ANK3: variants seen among roughly 807,000 people sequenced by gnomAD.
The protein encoded by ANK3 is ankyrin-3.
In ANK3, 57 loss-of-function variants were observed where a neutral mutation model predicts 370.9. The observed-to-expected ratio is 0.15, with a 90% CI of 0.12 to 0.19. ANK3 has a LOEUF of 0.19. ANK3 is among the 10% of genes least tolerant of loss of function. The pLI is 1.00. For missense variants in ANK3, 4,439 were observed against 5,302.1 expected (o/e 0.84, Z 5.06); for synonymous variants, 1,929 against 1,946.3 (o/e 0.99, Z 0.23).
chr10:60,212,017 T>C (rs1324754943), intron 9 of ANK3, among the ~76,000 whole-genome samples: 1 of 146,994 alleles, frequency 6.8e-6, no homozygotes, highest in Non-Finnish European at 1.5e-5. Flanking sequence ...CAGAAAAAAA[T>C]GTACCCATTA....
At chr10:60,298,197 G>A (rs2042948004) in intron 1 of ANK3, among the ~76,000 whole-genome samples, 1 of 152,030 alleles carries the variant, frequency 6.6e-6, no homozygotes, top group Non-Finnish European at 1.5e-5. Flanking sequence ...TTTTTTTCAT[G>A]AGCATTATTG....
chr10:60,651,583 A>G (rs545661296), intron 1 of ANK3, among the ~76,000 whole-genome samples: 1 of 152,350 alleles, frequency 6.6e-6, no homozygotes, highest in Non-Finnish European at 1.5e-5. Context: ...TGCAGCACAG[A>G]TTAGCAATTT....
In ANK3 at chr10:60,605,200, C is replaced by A. The variant is rs572404211; in HGVS notation, c.96+9986G>T. 2.2e-4 allele frequency among the ~76,000 whole-genome samples: 34 copies of A among 152,234 alleles called. 1 individual carries two copies. The highest frequency in any genetic ancestry group is 2.1e-3 in the Admixed American group (32 of 15,272). On this transcript the variant is annotated intron_variant, in intron 2 of 43. Coordinates refer to the ANK3 transcript ENST00000373827. ...CATCAGCACAACTGATAGCCACAGA[C>A]CAGCTTTCAGTCTCTCTCCTTTTAG...
intron 2 of ANK3, among the ~76,000 whole-genome samples, chr10:60,433,623 G>GA (rs1259493612): frequency 4.6e-5 from 7 of 152,184 alleles, no homozygotes; most frequent in Admixed American, 1.3e-4. Context: ...GAAAGAAAAA[G>GA]AAAAAACAAA....
At chr10:60,716,737 A>AACTCCTGCGCTCAAGTGAT (rs2079796140) in intron 1 of ANK3, among the ~76,000 whole-genome samples, 1 of 152,132 alleles carries the variant, frequency 6.6e-6, no homozygotes. Flanking sequence ...GCTGGTCTCA[A>AACTCCTGCGCTCAAGTGAT]ACTCCTGCGC....
intron 2 of ANK3, among the ~76,000 whole-genome samples, chr10:60,423,849 T>C (rs1042397430): frequency 1.3e-5 from 2 of 152,090 alleles, no homozygotes; most frequent in African/African-American, 4.8e-5. Context: ...TTATGTATTC[T>C]AGAGTGCCAC....
intron 23 of ANK3, among the ~76,000 whole-genome samples, chr10:60,157,124 G>C (rs866426522): frequency 2.1e-5 from 3 of 143,956 alleles, no homozygotes; most frequent in Non-Finnish European, 4.5e-5. Flanking sequence ...TGCAACCTCC[G>C]CCTCCCAGGT....
chr10:60,700,739 A>T (rs980864933), intron 1 of ANK3, among the ~76,000 whole-genome samples: 14 of 152,182 alleles, frequency 9.2e-5, no homozygotes, highest in Non-Finnish European at 1.9e-4. Flanking sequence ...AATTGAATAG[A>T]AAGAATATGA....
At chr10:60,636,859 A>G (rs551401425) in intron 1 of ANK3, among the ~76,000 whole-genome samples, 169 of 152,376 alleles carry the variant, frequency 1.1e-3, no homozygotes, top group African/African-American at 3.8e-3. Flanking sequence ...GAAGTAAGAA[A>G]AACAAAGCCA....
intron 25 of ANK3, among the ~76,000 whole-genome samples, chr10:60,132,875 C>T (rs1181964272): frequency 6.6e-6 from 1 of 152,148 alleles, no homozygotes. Context: ...CTTGGCCTTC[C>T]AAAGTGCTGG....
At chr10:60,731,415 C>G (rs73274822) in intron 1 of ANK3, among the ~76,000 whole-genome samples, 1 of 152,150 alleles carries the variant, frequency 6.6e-6, no homozygotes. Flanking sequence ...TAACACATCA[C>G]TGTGAGATTA....
intron 8 of ANK3, among the ~76,000 whole-genome samples, chr10:60,233,166 T>C (rs1028439404): frequency 6.6e-6 from 1 of 152,226 alleles, no homozygotes; most frequent in Non-Finnish European, 1.5e-5. Context: ...ATTTCTGCCC[T>C]ACTTTATGCC....
Position 60,708,920 on chromosome 10 carries a change from CGAAG to C in ANK3, c.57+24339_57+24342del, listed in dbSNP as rs558306726. Among the ~76,000 whole-genome samples the C allele has an allele frequency of 2.3e-3, 348 of 152,206 alleles. 2 individuals are homozygous for C. Among genetic ancestry groups the C allele is most frequent in the African/African-American group, 7.2e-3 (300 of 41,552 alleles). On this transcript the variant is annotated intron_variant, in intron 1 of 43. Coordinates refer to the ANK3 transcript ENST00000373827. ...CTCAAAGCAACAGGAGAGACAAAAA[CGAAG>C]ATACTATAGGATATTTCAGCCACCA...
chr10:60,292,453 G>T (rs909305373), intron 1 of ANK3, among the ~76,000 whole-genome samples: 2 of 151,132 alleles, frequency 1.3e-5, no homozygotes, highest in Admixed American at 6.6e-5. Flanking sequence ...CTTAATACAC[G>T]CTAATGGAAT....
At chr10:60,306,440 T>C (rs1194170871) in intron 1 of ANK3, among the ~76,000 whole-genome samples, 2 of 65,220 alleles carry the variant, frequency 3.1e-5, no homozygotes, top group African/African-American at 9.5e-5. Context: ...TATATATATA[T>C]ATATATATAT....
chr10:60,586,640 T>C (rs7922717), intron 2 of ANK3, among the ~76,000 whole-genome samples: 70,486 of 151,946 alleles, frequency 0.46, 16,856 homozygotes, highest in Middle Eastern at 0.52. Flanking sequence ...GCTTCTACAA[T>C]ATATTGTACA....
intron 1 of ANK3, among the ~76,000 whole-genome samples, chr10:60,699,241 T>A (rs928838427): frequency 6.6e-6 from 1 of 151,878 alleles, no homozygotes; most frequent in East Asian, 1.9e-4. Context: ...CTTATTCATG[T>A]AACCAAACAC....
At chr10:60,163,383 T>G (rs1224882137) in intron 23 of ANK3, among the ~76,000 whole-genome samples, 1 of 152,200 alleles carries the variant, frequency 6.6e-6, no homozygotes, top group Admixed American at 6.5e-5. Context: ...AACCCTGCCT[T>G]GGACAAAGTT....
chr10:60,139,212 C>T, intron 23 of ANK3, 125 bp from the exon 24 acceptor site: 2 of 1,188,552 alleles, frequency 1.7e-6, no homozygotes, highest in Non-Finnish European at 2.4e-6. Flanking sequence ...CCCCTATCAC[C>T]TGGATAATTT....
Sources: allele counts gnomAD v4.1 joint callset (sites outside exome capture counted in the v4.1 genomes callset), GRCh38; gene constraint gnomAD v4.1.1; transcripts MANE v1.5; gene names NCBI Gene and HGNC (gene_info 2026-07-23, HGNC 2026-07-21).